NECAP2: variants seen among roughly 807,000 people sequenced by gnomAD.
NECAP2 encodes the protein adaptin ear-binding coat-associated protein 2.
Under a neutral mutation model 37.8 loss-of-function variants are expected in NECAP2, and 38 were observed. That is an observed-to-expected ratio of 1.01 (90% CI 0.78 to 1.32). The LOEUF is 1.32. Ranked by LOEUF, NECAP2 falls within the 40% of genes most tolerant of loss-of-function variation. NECAP2 has a pLI of 0.00. For synonymous variants in NECAP2, 121 were observed against 127.7 expected (o/e 0.95, Z 0.35); for missense variants, 316 against 334.5 (o/e 0.94, Z 0.43).
intron 6 of NECAP2, among the ~76,000 whole-genome samples, chr1:16,454,830 C>G (rs547355986): frequency 6.6e-6 from 1 of 152,288 alleles, no homozygotes; most frequent in South Asian, 2.1e-4. Context: ...AATGTTAGAT[C>G]TCATTTTATT....
At chr1:16,442,942 A>G (rs2100942378) in intron 1 of NECAP2, among the ~76,000 whole-genome samples, 2 of 152,266 alleles carry the variant, frequency 1.3e-5, no homozygotes, top group South Asian at 4.1e-4. Context: ...GAGCCAAAAG[A>G]GGCATTGCTG....
At chr1:16,441,736 G>A (rs1329328428) in intron 1 of NECAP2, 1 of 152,138 alleles carries the variant, frequency 6.6e-6, no homozygotes, top group Non-Finnish European at 1.5e-5. Context: ...TACAGGATTG[G>A]TCTGCACCCC....
At chr1:16,457,704 T>G (rs1055552749) in intron 7 of NECAP2, among the ~76,000 whole-genome samples, 4 of 148,706 alleles carry the variant, frequency 2.7e-5, no homozygotes, top group Non-Finnish European at 5.9e-5. Flanking sequence ...ATATAGTAAT[T>G]CTGTTTTTTT....
rs185076131 is a variant in NECAP2 at position 16,452,702 on chromosome 1, C to T, written c.667+687C>T. 1.1e-4 allele frequency among the ~76,000 whole-genome samples: 16 copies of T among 152,194 alleles called. No homozygotes were observed. In the East Asian group the frequency reaches 2.9e-3, roughly 28 times the overall value. ...TTAGGAGACCCTGGGATTCCGGAAG[C>T]GAGTGTCTAGTGTCAGCTTCTGACC... On this transcript the variant is annotated intron_variant, in intron 6 of 7. Coordinates refer to ENST00000337132, the MANE Select transcript of NECAP2 (RefSeq NM_018090.5).
chr1:16,454,632 C>T (rs1292499997), intron 6 of NECAP2, among the ~76,000 whole-genome samples: 1 of 152,246 alleles, frequency 6.6e-6, no homozygotes, highest in Admixed American at 6.5e-5. Flanking sequence ...GCTGGGATTA[C>T]AGGCTGAGCC....
rs751587478 is a variant in NECAP2 at position 16,443,011 on chromosome 1, TG to T, written c.93-620del. Among the ~76,000 whole-genome samples, 12 of 152,346 alleles carry T rather than the reference TG, an allele frequency of 7.9e-5. No individual in the cohort carries two copies. The South Asian group carries it at 2.3e-3, about 29-fold the overall frequency. On this transcript the variant is annotated intron_variant, in intron 1 of 7. Transcript: ENST00000337132. Reference sequence around the variant, plus strand: ...ACCCATTCACTTTTCTCACATGTACTGTTGTTCTCCTTTTCTCTTCTGGTGA... The same window carrying T: ...ACCCATTCACTTTTCTCACATGTACTTTGTTCTCCTTTTCTCTTCTGGTGA...
intron 4 of NECAP2, 45 bp downstream of exon 4, chr1:16,448,186 C>A: frequency 6.5e-7 from 1 of 1,547,894 alleles, no homozygotes; most frequent in Non-Finnish European, 8.9e-7. Flanking sequence ...TCCCTTCTTT[C>A]CCTGGACAGA....
chr1:16,446,847 G>A (rs900857047), intron 2 of NECAP2, among the ~76,000 whole-genome samples: 1 of 151,940 alleles, frequency 6.6e-6, no homozygotes, highest in African/African-American at 2.4e-5. Flanking sequence ...ATCACCTGAG[G>A]TCAGGCATTC....
chr1:16,453,708 C>G (rs1348874194), intron 6 of NECAP2, among the ~76,000 whole-genome samples: 1 of 151,102 alleles, frequency 6.6e-6, no homozygotes, highest in Non-Finnish European at 1.5e-5. Context: ...AGGATGGTCT[C>G]GATCTCCTGA....
chr1:16,444,337 G>T (rs1367367563), intron 2 of NECAP2, among the ~76,000 whole-genome samples: 1 of 152,184 alleles, frequency 6.6e-6, no homozygotes, highest in Non-Finnish European at 1.5e-5. Context: ...GACCCCTAGT[G>T]GGGTCGGACA....
chr1:16,441,485 A>G (rs1240675280), intron 1 of NECAP2: 1 of 152,238 alleles, frequency 6.6e-6, no homozygotes, highest in Non-Finnish European at 1.5e-5. Context: ...AAACTGCCCT[A>G]GGGGAGGGGA....
At chr1:16,458,791 G>A in intron 7 of NECAP2, 51 bp from the exon 8 acceptor site, 1 of 1,596,646 alleles carries the variant, frequency 6.3e-7, no homozygotes, top group Non-Finnish European at 8.6e-7. Context: ...TATCTGCTTT[G>A]TATTTTCAAA....
At chr1:16,440,882 C>T (rs573583967) in intron 1 of NECAP2, 29 bp downstream of exon 1, 11 of 1,590,538 alleles carry the variant, frequency 6.9e-6, no homozygotes, top group Non-Finnish European at 8.6e-6. Context: ...ACCAGGCTAG[C>T]TCCAATTTAA....
chr1:16,449,425 G>GA (rs2086809612), intron 5 of NECAP2: 1 of 507,036 alleles, frequency 2.0e-6, no homozygotes, highest in Non-Finnish European at 3.5e-6. Context: ...AACATGGCAG[G>GA]AAAGGTTCCA....
chr1:16,444,390 T>G (rs1270414103), intron 2 of NECAP2, among the ~76,000 whole-genome samples: 5 of 152,176 alleles, frequency 3.3e-5, no homozygotes, highest in Admixed American at 2.0e-4. Context: ...GGTCATTTAT[T>G]TTTTCTAATA....
At chr1:16,451,509 A>C in intron 5 of NECAP2, 2 of 287,444 alleles carry the variant, frequency 7.0e-6, no homozygotes, top group Non-Finnish European at 1.3e-5. Context: ...CAGCGCGTGA[A>C]TGGTTACTTC....
chr1:16,457,438 C>G (rs180772760), intron 7 of NECAP2, among the ~76,000 whole-genome samples: 1 of 152,142 alleles, frequency 6.6e-6, no homozygotes, highest in Non-Finnish European at 1.5e-5. Context: ...GTCACAAGAG[C>G]AAGACTCCAT....
intron 1 of NECAP2, among the ~76,000 whole-genome samples, chr1:16,442,531 T>C (rs2086703948): frequency 1.3e-5 from 2 of 152,218 alleles, no homozygotes; most frequent in Non-Finnish European, 2.9e-5. Context: ...AGAACTGGCA[T>C]AGGGACTTCT....
chr1:16,441,343 G>A (rs2086687649), intron 1 of NECAP2: 1 of 156,946 alleles, frequency 6.4e-6, no homozygotes, highest in Admixed American at 6.4e-5. Context: ...AGATCCCTTC[G>A]CACGAATTTC....
Sources: allele counts gnomAD v4.1 joint callset (sites outside exome capture counted in the v4.1 genomes callset), GRCh38; gene constraint gnomAD v4.1.1; transcripts MANE v1.5; gene names NCBI Gene and HGNC (gene_info 2026-07-23, HGNC 2026-07-21).